Variants in HAPLN1 observed in about 807,000 individuals in gnomAD.
The protein encoded by HAPLN1 is hyaluronan and proteoglycan link protein 1.
In HAPLN1, 13 loss-of-function variants were observed where a neutral mutation model predicts 36.5. The observed-to-expected ratio is 0.36, with a 90% CI of 0.23 to 0.57. The LOEUF (loss-of-function observed/expected upper bound fraction) is 0.57, where lower values mean the gene tolerates loss of function less well. Among genes scored for constraint, HAPLN1 ranks in the 20% least tolerant of loss-of-function variants. HAPLN1 has a pLI of 0.83. For synonymous variants in HAPLN1, 202 were observed against 169.8 expected (o/e 1.19, Z -1.48); for missense variants, 407 against 439.7 (o/e 0.93, Z 0.66).
At chr5:83,670,555 T>G (rs1469252558) in intron 2 of HAPLN1, among the ~76,000 whole-genome samples, 1 of 152,208 alleles carries the variant, frequency 6.6e-6, no homozygotes, top group Non-Finnish European at 1.5e-5. Context: ...TATCTAAAGC[T>G]AAGTCTTTTT....
At chr5:83,658,032 C>T (rs572846114) in intron 2 of HAPLN1, among the ~76,000 whole-genome samples, 3 of 152,058 alleles carry the variant, frequency 2.0e-5, no homozygotes, top group Non-Finnish European at 4.4e-5. Flanking sequence ...ACTTTTTCAT[C>T]ATCCCAAACA....
intron 1 of HAPLN1, among the ~76,000 whole-genome samples, chr5:83,678,694 G>T (rs1260598569): frequency 6.6e-6 from 1 of 151,966 alleles, no homozygotes; most frequent in Admixed American, 6.6e-5. Flanking sequence ...AAATGCATTA[G>T]AAAACAGGAA....
intron 1 of HAPLN1, among the ~76,000 whole-genome samples, chr5:83,686,608 C>T (rs1304661706): frequency 6.6e-6 from 1 of 152,178 alleles, no homozygotes; most frequent in Non-Finnish European, 1.5e-5. Flanking sequence ...CCTTTTCATT[C>T]TGCTAATGCT....
At chr5:83,663,377 T>C (rs1041937102) in intron 2 of HAPLN1, among the ~76,000 whole-genome samples, 2 of 152,192 alleles carry the variant, frequency 1.3e-5, no homozygotes, top group African/African-American at 4.8e-5. Flanking sequence ...GGGAAGTGAA[T>C]ATGTGCCCTC....
intron 1 of HAPLN1, among the ~76,000 whole-genome samples, chr5:83,703,809 T>C (rs544587432): frequency 1.2e-4 from 19 of 152,200 alleles, no homozygotes; most frequent in Middle Eastern, 6.8e-3. Flanking sequence ...AGGAGTTCTC[T>C]GTATTTCCTG....
chr5:83,682,239 A>T lies in HAPLN1; in HGVS notation c.-26-8690T>A, dbSNP rs150254159. On this transcript the variant is annotated intron_variant, in intron 1 of 4. Transcript: ENST00000274341. ...ATCACAAATATGTAAAAAGTTTTCTACATATTGCAAAAACACTAAGCTCAC... is the reference window on the plus strand; with the variant it reads ...ATCACAAATATGTAAAAAGTTTTCTTCATATTGCAAAAACACTAAGCTCAC... 6 of 152,338 alleles carry T rather than the reference A, an allele frequency of 3.9e-5. No homozygotes were observed. The East Asian group carries it at 1.2e-3, about 29-fold the overall frequency. 9.4% of individuals were successfully genotyped at this position (152,338 alleles called of 1,614,324 possible).
Position 83,652,486 on chromosome 5 carries a change from C to T in HAPLN1, c.439G>A (p.Asp147Asn), listed in dbSNP as rs1358124009. ...YKCEVIEGLE[D>N]DTVVVALDLQ... ...TCCAGTGCTACCACAACAGTATCAT[C>T]TTCTAATCCTTCAATCACCTCACAC... The change falls in exon 3 of 5, where the codon GAT (aspartate) becomes AAT (asparagine). Residue 147 changes from aspartate (D) to asparagine (N), a missense_variant. Transcript: ENST00000274341. 1.2e-6 allele frequency: 2 copies of T among 1,614,046 alleles called. No individual in the cohort carries two copies. The highest frequency in any genetic ancestry group is 1.7e-6 in the Non-Finnish European group (2 of 1,179,936).
At chr5:83,711,017 A>G (rs1480305176) in intron 1 of HAPLN1, among the ~76,000 whole-genome samples, 1 of 152,210 alleles carries the variant, frequency 6.6e-6, no homozygotes, top group Non-Finnish European at 1.5e-5. Context: ...GAATAGATCT[A>G]ATAAATAGAG....
intron 1 of HAPLN1, among the ~76,000 whole-genome samples, chr5:83,712,750 A>G (rs538126645): frequency 2.6e-5 from 4 of 152,260 alleles, no homozygotes; most frequent in African/African-American, 9.6e-5. Flanking sequence ...ATTGAACTTT[A>G]GAAAAACAAG....
intron 1 of HAPLN1, among the ~76,000 whole-genome samples, chr5:83,692,626 A>G (rs1751305981): frequency 6.6e-6 from 1 of 151,992 alleles, no homozygotes; most frequent in Non-Finnish European, 1.5e-5. Context: ...AATATTTAAG[A>G]AACTTCTTCA....
At chr5:83,643,949 A>G (rs1023864549) in intron 4 of HAPLN1, among the ~76,000 whole-genome samples, 2 of 152,228 alleles carry the variant, frequency 1.3e-5, no homozygotes, top group Non-Finnish European at 2.9e-5. Flanking sequence ...TCTGTTGATC[A>G]CCTATGAATA....
chr5:83,713,853 G>A (rs1751851108), intron 1 of HAPLN1, among the ~76,000 whole-genome samples: 2 of 151,946 alleles, frequency 1.3e-5, no homozygotes, highest in African/African-American at 4.8e-5. Flanking sequence ...CCTCTGAATG[G>A]GTTTTCCACC....
intron 3 of HAPLN1, among the ~76,000 whole-genome samples, chr5:83,645,845 A>G (rs1749858160): frequency 1.3e-5 from 2 of 152,182 alleles, no homozygotes. Context: ...TTGCAAACTG[A>G]AAGTAAGGGG....
At chr5:83,689,564 T>A (rs140095827) in intron 1 of HAPLN1, among the ~76,000 whole-genome samples, 189 of 152,226 alleles carry the variant, frequency 1.2e-3, no homozygotes, top group African/African-American at 4.3e-3. Context: ...ACTTCACTAT[T>A]TTGCCTGGGG....
At chr5:83,701,959 A>G (rs76607892) in intron 1 of HAPLN1, among the ~76,000 whole-genome samples, 1 of 145,196 alleles carries the variant, frequency 6.9e-6, no homozygotes, top group East Asian at 2.0e-4. Flanking sequence ...CACACACACA[A>G]AATCTATATG....
chr5:83,693,691 A>G (rs1183111063), intron 1 of HAPLN1, among the ~76,000 whole-genome samples: 5 of 151,976 alleles, frequency 3.3e-5, no homozygotes, highest in Admixed American at 6.5e-5. Context: ...TATTAAAATC[A>G]GACAAAATAG....
At chr5:83,667,620 G>C (rs1418239312) in intron 2 of HAPLN1, among the ~76,000 whole-genome samples, 1 of 152,138 alleles carries the variant, frequency 6.6e-6, no homozygotes, top group Non-Finnish European at 1.5e-5. Context: ...GACTCAGATA[G>C]TTTAAATAAG....
At chr5:83,688,083 T>G (rs1751175160) in intron 1 of HAPLN1, among the ~76,000 whole-genome samples, 1 of 152,042 alleles carries the variant, frequency 6.6e-6, no homozygotes, top group Admixed American at 6.6e-5. Context: ...ATTCTAGCTA[T>G]GCATGCATCT....
At chr5:83,643,770 C>G (rs778564782) in intron 4 of HAPLN1, among the ~76,000 whole-genome samples, 3 of 152,152 alleles carry the variant, frequency 2.0e-5, no homozygotes, top group Admixed American at 2.0e-4. Context: ...CATTTTACAC[C>G]GGGCTGCACA....
Sources: allele counts gnomAD v4.1 joint callset (sites outside exome capture counted in the v4.1 genomes callset), GRCh38; gene constraint gnomAD v4.1.1; transcripts MANE v1.5; gene names NCBI Gene and HGNC (gene_info 2026-07-23, HGNC 2026-07-21).